Variants in ATXN10 observed in about 807,000 individuals in gnomAD.
ATXN10 encodes ataxin-10.
ATXN10 carries 28 observed loss-of-function variants against 52.9 expected under a neutral mutation model. The observed-to-expected ratio is 0.53, with a 90% confidence interval of 0.39 to 0.73. ATXN10 has a LOEUF of 0.73. Ranked by LOEUF, ATXN10 falls within the 30% of genes least tolerant of loss-of-function variation. The pLI is 0.00. For synonymous variants in ATXN10, 226 were observed against 221.5 expected (o/e 1.02, Z -0.18); for missense variants, 565 against 577.0 (o/e 0.98, Z 0.21).
Position 45,732,290 on chromosome 22 carries a change from CA to C in ATXN10, c.894+2710del, listed in dbSNP as rs138164. 0.094 allele frequency among the ~76,000 whole-genome samples: 13,694 copies of C among 145,558 alleles called. 1,908 individuals are homozygous for C. The highest frequency in any genetic ancestry group is 0.31 in the African/African-American group (12,639 of 40,280). On this transcript the variant is annotated intron_variant, in intron 7 of 11. Coordinates refer to ENST00000252934, the MANE Select transcript of ATXN10 (RefSeq NM_013236.4). The surrounding 1 kb of genome is among the most constrained non-coding windows in gnomAD (Gnocchi z 4.5). The stretch of plus-strand genomic sequence containing the variant: ...GCAACATAAGGAGACTCCATCTGTA[CA>C]AAAAAAAAACACAAAGAATTAGCTG...
rs8141258 is a variant in ATXN10, at chr22:45,843,463, G to C, written c.1426-206G>C. Among the ~76,000 whole-genome samples the C allele has an allele frequency of 0.012, 1,866 of 152,284 alleles. 44 individuals are homozygous for C. Among genetic ancestry groups the C allele is most frequent in the African/African-American group, 0.043 (1,782 of 41,558 alleles). On this transcript the variant is annotated intron_variant, in intron 11 of 11. Transcript: ENST00000252934. This position sits in a 1 kb window ranked among gnomAD's most constrained non-coding sequence, Gnocchi z 4.5. Reference sequence around the variant, plus strand: ...ATGGTCTAAAAGTAAGTTACTCATAGGAATTAGATTTTCTTTAAAAGATAG... The same window carrying C: ...ATGGTCTAAAAGTAAGTTACTCATACGAATTAGATTTTCTTTAAAAGATAG...
chr22:45,739,564 T>C (rs555343377), intron 8 of ATXN10, among the ~76,000 whole-genome samples: 1 of 152,344 alleles, frequency 6.6e-6, no homozygotes, highest in East Asian at 1.9e-4. Context: ...ACATTGCTTT[T>C]AGTGATAATT....
intron 1 of ATXN10, among the ~76,000 whole-genome samples, chr22:45,682,585 C>G (rs576753678): frequency 6.6e-6 from 1 of 152,312 alleles, no homozygotes; most frequent in South Asian, 2.1e-4. Context: ...GCTGGGATTA[C>G]AGGCATGAGC....
chr22:45,743,182 GCAAA>G (rs1229898911), intron 9 of ATXN10, among the ~76,000 whole-genome samples: 1 of 152,208 alleles, frequency 6.6e-6, no homozygotes, highest in Non-Finnish European at 1.5e-5. Flanking sequence ...TGATTTCTCA[GCAAA>G]CAGTTTAGAG....
rs373152939 is a variant in ATXN10 at position 45,769,281 on chromosome 22, T to C, written c.1173+28743T>C. Among the ~76,000 whole-genome samples, 153 of 152,240 alleles carry C rather than the reference T, an allele frequency of 1.0e-3. No homozygotes were observed. The highest frequency in any genetic ancestry group is 3.4e-3 in the African/African-American group (143 of 41,544). On this transcript the variant is annotated intron_variant, in intron 9 of 11. Transcript: ENST00000252934. The surrounding 1 kb of genome is among the most constrained non-coding windows in gnomAD (Gnocchi z 4.2). ...GAGTAACGTGTGCAGATGGGCGCCG[T>C]TCATCCCCTCTCCCCCATACAGACA...
intron 6 of ATXN10, among the ~76,000 whole-genome samples, chr22:45,723,577 C>T (rs1046360155): frequency 1.3e-5 from 2 of 152,110 alleles, no homozygotes; most frequent in Admixed American, 6.5e-5. Flanking sequence ...ACTCTGTGTG[C>T]CTTTGGGTAC....
chr22:45,747,357 A>T (rs1487708823), intron 9 of ATXN10, among the ~76,000 whole-genome samples: 2 of 152,186 alleles, frequency 1.3e-5, no homozygotes, highest in African/African-American at 4.8e-5. Flanking sequence ...TTTAAAAATT[A>T]GCTGAGTATG....
At position 45,762,249 on chromosome 22, in the gene ATXN10, C is replaced by T. The variant is rs11705403; in HGVS notation, c.1173+21711C>T. Among the ~76,000 whole-genome samples the T allele has an allele frequency of 3.3e-5, 5 of 152,260 alleles. No individual in the cohort carries two copies. Among genetic ancestry groups the T allele is most frequent in the African/African-American group, 9.6e-5 (4 of 41,556 alleles). On this transcript the variant is annotated intron_variant, in intron 9 of 11. Coordinates refer to ENST00000252934, the MANE Select transcript of ATXN10 (RefSeq NM_013236.4). The surrounding 1 kb of genome is among the most constrained non-coding windows in gnomAD (Gnocchi z 4.3). ...TTGTCTGTTTCCCCTGACCAGCGTGCGTTTCTTTCTGGAGGCGCAGGGACC... is the reference window on the plus strand; with the variant it reads ...TTGTCTGTTTCCCCTGACCAGCGTGTGTTTCTTTCTGGAGGCGCAGGGACC...
chr22:45,740,826 A>G (rs1013692314), intron 9 of ATXN10: 2 of 184,756 alleles, frequency 1.1e-5, no homozygotes, highest in African/African-American at 4.7e-5. Context: ...CACAGTAGAT[A>G]TTTAATAAAC....
rs1035211770 is a variant in ATXN10 at position 45,733,970 on chromosome 22, G to A, written c.894+4380G>A. On this transcript the variant is annotated intron_variant, in intron 7 of 11. Coordinates refer to ENST00000252934, the MANE Select transcript of ATXN10 (RefSeq NM_013236.4). The surrounding 1 kb of genome is among the most constrained non-coding windows in gnomAD (Gnocchi z 4.4). ...TGTACATCTTTGCACTTTAGCATGT[G>A]TATATTCATTGTATGTTTTTAATAG... 6.6e-6 allele frequency among the ~76,000 whole-genome samples: 1 copy of A among 151,786 alleles called. No individual in the cohort carries two copies. Among genetic ancestry groups the A allele is most frequent in the African/African-American group, 2.4e-5 (1 of 41,340 alleles).
intron 9 of ATXN10, among the ~76,000 whole-genome samples, chr22:45,746,543 T>C (rs1925733376): frequency 6.6e-6 from 1 of 152,152 alleles, no homozygotes; most frequent in Non-Finnish European, 1.5e-5. Flanking sequence ...GCTTAACTAA[T>C]ATGTGTTAGT....
intron 5 of ATXN10, among the ~76,000 whole-genome samples, chr22:45,711,264 A>T (rs757230877): frequency 6.6e-6 from 1 of 152,160 alleles, no homozygotes; most frequent in East Asian, 1.9e-4. Flanking sequence ...AAAAAAAGCC[A>T]ATGAATCCCC....
chr22:45,775,639 CCTT>C lies in ATXN10; in HGVS notation c.1174-31318_1174-31316del, dbSNP rs1926926440. 6.6e-6 allele frequency among the ~76,000 whole-genome samples: 1 copy of C among 152,082 alleles called. No individual in the cohort carries two copies. Among genetic ancestry groups the C allele is most frequent in the Admixed American group, 6.6e-5 (1 of 15,264 alleles). On this transcript the variant is annotated intron_variant, in intron 9 of 11. Coordinates refer to ENST00000252934, the MANE Select transcript of ATXN10 (RefSeq NM_013236.4). The surrounding 1 kb of genome is among the most constrained non-coding windows in gnomAD (Gnocchi z 4.7). ...GCCTGTGTAATGACACTGTTTTTCT[CCTT>C]CGTGTGACTATTTATAATAAAAATG...
chr22:45,687,610 C>A (rs1341274275), intron 1 of ATXN10, among the ~76,000 whole-genome samples: 1 of 152,214 alleles, frequency 6.6e-6, no homozygotes, highest in Non-Finnish European at 1.5e-5. Context: ...TTCAAAACTT[C>A]ATGCAGATGG....
rs761627933 is a variant in ATXN10, at chr22:45,701,938, A to T, written c.489-751A>T. Among the ~76,000 whole-genome samples the T allele has an allele frequency of 5.1e-4, 77 of 152,136 alleles. No homozygotes were observed. Among genetic ancestry groups the T allele is most frequent in the Non-Finnish European group, 9.0e-4 (61 of 67,996 alleles). On this transcript the variant is annotated intron_variant, in intron 4 of 11. Transcript: ENST00000252934. The surrounding 1 kb of genome is among the most constrained non-coding windows in gnomAD (Gnocchi z 4.2). ...AATAGAGGTTTTGTTATTGTATTTT[A>T]TTTTTTATACCAGAAAACATATTAA...
chr22:45,729,450 GC>G lies in ATXN10; in HGVS notation c.756del (p.Lys253ArgfsTer2). The G allele has an allele frequency of 6.2e-7, 1 of 1,614,080 alleles. No homozygotes were observed. Among genetic ancestry groups the G allele is most frequent in the South Asian group, 1.1e-5 (1 of 91,078 alleles). On this transcript the variant is annotated frameshift_variant, in exon 7 of 12. Transcript: ENST00000252934. LOFTEE classifies it high-confidence loss of function. Reference sequence around the variant, plus strand: ...AGTTACACTGTTAGACCTTATGATAGCCAAGATAACGAGTGATGAGCCACTC... The same window carrying G: ...AGTTACACTGTTAGACCTTATGATAGCAAGATAACGAGTGATGAGCCACTC... ...ERVTLLDLMI[A>X]KITSDEPLTK... is the part of the protein sequence containing the mutation.
rs146057821 is a variant in ATXN10, at chr22:45,839,346, G to A, written c.1238-3645G>A. ...ATTAGGTTGTCAGGTCCGTGGCTGC[G>A]CCAAGAACCTGCTCCGTGTGAAATA... On this transcript the variant is annotated intron_variant, in intron 10 of 11. Transcript: ENST00000252934. Among the ~76,000 whole-genome samples, 273 of 152,346 alleles carry A rather than the reference G, an allele frequency of 1.8e-3. 1 individual carries two copies. Among genetic ancestry groups the A allele is most frequent in the African/African-American group, 6.1e-3 (255 of 41,582 alleles).
chr22:45,816,156 G>A lies in ATXN10; in HGVS notation c.1237+9134G>A, dbSNP rs1035665650. Reference sequence around the variant, plus strand: ...TAGTCCCAGCTACTCGGGAGGCTGAGGCAGGAGAATCGCTTGAACCTGCAA... The same window carrying A: ...TAGTCCCAGCTACTCGGGAGGCTGAAGCAGGAGAATCGCTTGAACCTGCAA... On this transcript the variant is annotated intron_variant, in intron 10 of 11. Coordinates refer to ENST00000252934, the MANE Select transcript of ATXN10 (RefSeq NM_013236.4). The surrounding 1 kb of genome is among the most constrained non-coding windows in gnomAD (Gnocchi z 5.8). Among the ~76,000 whole-genome samples, 15 of 152,180 alleles carry A rather than the reference G, an allele frequency of 9.9e-5. No homozygotes were observed. Among genetic ancestry groups the A allele is most frequent in the Admixed American group, 2.0e-4 (3 of 15,278 alleles).
intron 10 of ATXN10, among the ~76,000 whole-genome samples, chr22:45,808,709 C>G (rs1015367245): frequency 1.3e-5 from 2 of 152,224 alleles, no homozygotes; most frequent in Non-Finnish European, 2.9e-5. Flanking sequence ...ATGTGAGTGC[C>G]TGACCTTAGC....
Sources: allele counts gnomAD v4.1 joint callset (sites outside exome capture counted in the v4.1 genomes callset), GRCh38; gene constraint gnomAD v4.1.1; non-coding constraint Gnocchi (gnomAD v3.1); transcripts MANE v1.5; gene names NCBI Gene and HGNC (gene_info 2026-07-23, HGNC 2026-07-21).